Variants in MCC observed in about 807,000 individuals in gnomAD.
MCC encodes the protein colorectal mutant cancer protein.
In MCC, 90 loss-of-function variants were observed where a neutral mutation model predicts 116.2. The ratio of observed to expected loss-of-function variants is 0.77; its 90% CI spans 0.65 to 0.92. The LOEUF (loss-of-function observed/expected upper bound fraction) is 0.92. MCC is among the 40% of genes least tolerant of loss of function. The probability of loss-of-function intolerance (pLI) is 0.00; values close to 1 mark genes in which losing one functional copy is unlikely to be tolerated. For synonymous variants in MCC, 578 were observed against 510.5 expected, an observed-to-expected ratio of 1.13 and a Z score of -1.78; for missense variants, 1,516 against 1,312.2, an observed-to-expected ratio of 1.16 and a Z score of -2.40.
At chr5:113,178,255 C>A (rs961656722) in intron 3 of MCC, among the ~76,000 whole-genome samples, 2 of 152,200 alleles carry the variant, frequency 1.3e-5, no homozygotes, top group African/African-American at 2.4e-5. Context: ...TGTTATGGAA[C>A]CAGATAAGGC....
intron 3 of MCC, among the ~76,000 whole-genome samples, chr5:113,205,210 C>T (rs1762863272): frequency 6.6e-6 from 1 of 152,140 alleles, no homozygotes; most frequent in Admixed American, 6.5e-5. Flanking sequence ...ACAGGAAGGG[C>T]TGATGCAGTG....
chr5:113,056,054 T>G (rs1342994470), intron 14 of MCC, among the ~76,000 whole-genome samples: 1 of 152,210 alleles, frequency 6.6e-6, no homozygotes, highest in Middle Eastern at 3.2e-3. Flanking sequence ...TTTACTAGAA[T>G]CTATATCAAG....
chr5:113,461,331 T>C (rs371363968), intron 1 of MCC, among the ~76,000 whole-genome samples: 141 of 152,334 alleles, frequency 9.3e-4, no homozygotes, highest in African/African-American at 3.2e-3. Flanking sequence ...CCCTTTATAA[T>C]TGTATGGTCA....
intron 3 of MCC, among the ~76,000 whole-genome samples, chr5:113,269,696 AG>A (rs1371670466): frequency 6.6e-6 from 1 of 152,232 alleles, no homozygotes; most frequent in Non-Finnish European, 1.5e-5. Context: ...TTGGTCAGAA[AG>A]GGCCTAATTT....
chr5:113,147,595 T>C (rs1031622444), intron 4 of MCC, among the ~76,000 whole-genome samples: 9 of 152,200 alleles, frequency 5.9e-5, no homozygotes, highest in African/African-American at 2.2e-4. Flanking sequence ...TAACAAGAGA[T>C]GTTACCCTCT....
At chr5:113,061,313 C>T (rs1753200807) in intron 14 of MCC, among the ~76,000 whole-genome samples, 1 of 152,216 alleles carries the variant, frequency 6.6e-6, no homozygotes, top group Admixed American at 6.5e-5. Context: ...GTCTTGGCCA[C>T]AGTTCCTTTG....
intron 17 of MCC, among the ~76,000 whole-genome samples, chr5:113,039,837 T>A (rs151088189): frequency 6.6e-6 from 1 of 151,282 alleles, no homozygotes. Flanking sequence ...GAGGGCGGGC[T>A]GCACAAACAC....
At chr5:113,292,649 T>G (rs1204841168) in intron 3 of MCC, among the ~76,000 whole-genome samples, 1 of 152,198 alleles carries the variant, frequency 6.6e-6, no homozygotes, top group Admixed American at 6.5e-5. Flanking sequence ...CTCAAGGACG[T>G]GCCAATAGGA....
chr5:113,207,643 C>T (rs1277746696), intron 3 of MCC, among the ~76,000 whole-genome samples: 9 of 152,118 alleles, frequency 5.9e-5, no homozygotes, highest in Non-Finnish European at 8.8e-5. Context: ...CAGCAGGGCT[C>T]CCTTGAATAA....
chr5:113,388,510 G>T (rs780585215), intron 1 of MCC, among the ~76,000 whole-genome samples: 1 of 152,058 alleles, frequency 6.6e-6, no homozygotes, highest in African/African-American at 2.4e-5. Context: ...CATCCCCTTG[G>T]TGATGAGTGA....
intron 1 of MCC, among the ~76,000 whole-genome samples, chr5:113,399,128 T>C (rs1769608922): frequency 6.6e-6 from 1 of 152,154 alleles, no homozygotes; most frequent in African/African-American, 2.4e-5. Flanking sequence ...AAAAATAAAA[T>C]AGTCTACAAT....
Position 113,025,665 on chromosome 5 carries a change from A to G in MCC, c.*1637T>C, listed in dbSNP as rs1456108836. On this transcript the variant is annotated 3_prime_UTR_variant, in exon 19 of 19. Transcript: ENST00000408903. ...GACAGAAACCAGTGAACATTTTCATAGTGATCAAAGCACCCCAAAGCTGGT... is the reference window on the plus strand; with the variant it reads ...GACAGAAACCAGTGAACATTTTCATGGTGATCAAAGCACCCCAAAGCTGGT... 4.0e-5 allele frequency: 6 copies of G among 151,794 alleles called. No homozygotes were observed. Among genetic ancestry groups the G allele is most frequent in the Non-Finnish European group, 7.4e-5 (5 of 68,014 alleles). 9.4% of individuals were successfully genotyped at this position (151,794 alleles called of 1,614,324 possible). A position where few individuals can be genotyped will look rare whatever the true frequency, so the allele number is the denominator to read the frequency against.
chr5:113,356,579 T>C lies in MCC; in HGVS notation c.416-15849A>G, dbSNP rs562964636. Among the ~76,000 whole-genome samples the C allele has an allele frequency of 2.2e-4, 33 of 152,208 alleles. No homozygotes were observed. The East Asian group carries it at 5.8e-3, about 27-fold the overall frequency. ...GGGAAAATCCTGCTCTCAGAGAGAA[T>C]GCTAGAACAGAAAAACCTGCCGGAC... On this transcript the variant is annotated intron_variant, in intron 2 of 18. Transcript: ENST00000408903.
rs370838410 is a variant in MCC at position 113,143,262 on chromosome 5, C to T, written c.840G>A (p.Ala280=). Residue 280 remains alanine (A), a synonymous_variant, in exon 5 of 19, where the codon GCG becomes GCA. Coordinates refer to ENST00000408903, the MANE Select transcript of MCC (RefSeq NM_001085377.2). ...GACGGTCTATCTTCTTGTTGAGCTC[C>T]GCAATGACGCTGTGGAGCTCTGTGA... The part of the protein sequence containing the change: ...ERITELHSVI[A]ELNKKIDRLQ... The T allele has an allele frequency of 5.7e-5, 92 of 1,612,698 alleles. No homozygotes were observed. The highest frequency in any genetic ancestry group is 1.7e-4 in the Middle Eastern group (1 of 6,056).
chr5:113,210,407 T>TGGAATATAA (rs5870535), intron 3 of MCC, among the ~76,000 whole-genome samples: 148,505 of 152,068 alleles, frequency 0.98, 72,625 homozygotes, highest in East Asian at 1. Context: ...TGTTTTAGTC[T>TGGAATATAA]GGAATATAAG....
intron 3 of MCC, among the ~76,000 whole-genome samples, chr5:113,311,335 G>A (rs572777351): frequency 2.6e-5 from 4 of 152,272 alleles, no homozygotes; most frequent in African/African-American, 7.2e-5. Context: ...TGGTATGCCC[G>A]TGTCTCCTCC....
intron 8 of MCC, among the ~76,000 whole-genome samples, chr5:113,086,605 T>C (rs78442958): frequency 0.054 from 8,294 of 152,310 alleles, 283 homozygotes; most frequent in East Asian, 0.11. Flanking sequence ...TCCTCTATAG[T>C]TACAACTCTG....
chr5:113,445,700 C>T (rs1338446372), intron 1 of MCC, among the ~76,000 whole-genome samples: 1 of 152,088 alleles, frequency 6.6e-6, no homozygotes, highest in Non-Finnish European at 1.5e-5. Flanking sequence ...CTATTCCTAT[C>T]AAACACCAAA....
At chr5:113,143,875 T>C (rs1246966522) in intron 4 of MCC, among the ~76,000 whole-genome samples, 2 of 152,348 alleles carry the variant, frequency 1.3e-5, no homozygotes, top group East Asian at 3.9e-4. Context: ...TGCTGAAGTT[T>C]GTCAGGGTTT....
Sources: allele counts gnomAD v4.1 joint callset (sites outside exome capture counted in the v4.1 genomes callset), GRCh38; gene constraint gnomAD v4.1.1; transcripts MANE v1.5; gene names NCBI Gene and HGNC (gene_info 2026-07-23, HGNC 2026-07-21).